The following INPP5E variants were observed in gnomAD, a reference collection of about 807,000 sequenced individuals.
INPP5E encodes the protein phosphatidylinositol polyphosphate 5-phosphatase type IV.
Under a neutral mutation model 50.5 loss-of-function variants are expected in INPP5E, and 34 were observed. The observed-to-expected ratio is 0.67, with a 90% confidence interval of 0.51 to 0.90. The LOEUF is 0.90. Among genes scored for constraint, INPP5E ranks in the 40% least tolerant of loss-of-function variants. The pLI is 0.00. For missense variants in INPP5E, 942 were observed against 905.5 expected (o/e 1.04, Z -0.52); for synonymous variants, 447 against 406.0 (o/e 1.10, Z -1.21).
chr9:136,431,923 C>T lies in INPP5E; in HGVS notation c.1450G>A (p.Gly484Ser). ...AGGGCGTCCACGACTGTGCGCCCGC[C>T]ACTCAGGCGGAAGTTGAAGTCTCCA... is the stretch of plus-strand genomic sequence containing the variant. ...WFGDFNFRLS[G>S]GRTVVDALLC... is the part of the protein sequence containing the mutation. The change falls in exon 7 of 10, where the codon GGC (glycine) becomes AGC (serine). Residue 484 changes from glycine (G) to serine (S), a missense_variant. By Grantham distance (56) the Gly-to-Ser change is moderately conservative. Coordinates refer to ENST00000371712, the MANE Select transcript of INPP5E (RefSeq NM_019892.6). 1.2e-6 allele frequency: 2 copies of T among 1,611,966 alleles called. No homozygotes were observed. Among genetic ancestry groups the T allele is most frequent in the Non-Finnish European group, 1.7e-6 (2 of 1,179,772 alleles).
chr9:136,433,263 G>C lies in INPP5E; in HGVS notation c.1051C>G (p.Arg351Gly). 1.3e-6 allele frequency: 2 copies of C among 1,587,048 alleles called. No homozygotes were observed. Among genetic ancestry groups the C allele is most frequent in the Non-Finnish European group, 1.7e-6 (2 of 1,173,676 alleles). The stretch of plus-strand genomic sequence containing the variant: ...TGCGGGCCCAGCGTCTCCTGCAGAC[G>C]AGTCTCCCACTCCCGCCTGCAGAGG... ...GCSDRREWET[R>G]LQETLGPHYV... The change falls in exon 4 of 10, where the codon CGT becomes GGT. Residue 351 changes from arginine to glycine, a missense_variant. Physicochemically the swap from Arg to Gly is moderately radical, Grantham distance 125. Transcript: ENST00000371712.
chr9:136,431,994 C>T lies in INPP5E; in HGVS notation c.1388-9G>A, dbSNP rs1352284108. 6.2e-7 allele frequency: 1 copy of T among 1,612,652 alleles called. No individual in the cohort carries two copies. Among genetic ancestry groups the T allele is most frequent in the Middle Eastern group, 1.6e-4 (1 of 6,062 alleles). On this transcript the variant is annotated splice_polypyrimidine_tract_variant and intron_variant, in intron 6 of 9. Transcript: ENST00000371712. ...GCGGGTGGTGACGTCCGCTGCGGCA[C>T]AGTGGGCCATGTGTGGGCACAGGCA...
At chr9:136,430,682 G>A (rs919049523) in intron 8 of INPP5E, among the ~76,000 whole-genome samples, 5 of 152,188 alleles carry the variant, frequency 3.3e-5, no homozygotes, top group East Asian at 1.9e-4. Flanking sequence ...TCCAGATATC[G>A]GGACATGCCC....
intron 2 of INPP5E, among the ~76,000 whole-genome samples, 170 bp from the exon 3 acceptor site, chr9:136,434,304 A>C (rs1835781323): frequency 6.6e-6 from 1 of 152,178 alleles, no homozygotes; most frequent in Non-Finnish European, 1.5e-5. Context: ...CTGACACACC[A>C]AACACGCCTC....
rs188488264 is a variant in INPP5E, at chr9:136,434,047, A to G, written c.1024T>C (p.Cys342Arg). ...CTGCAGCCGCCCTACCTGTCAGAAC[A>G]GCCCTCCTGGACCCCGATGACATAC... ...DLYVIGVQEGCSDRREWETRL... is the reference protein window; with the variant it reads ...DLYVIGVQEGRSDRREWETRL... The change falls in exon 3 of 10, where the codon TGT becomes CGT. Residue 342 changes from cysteine (C) to arginine (R), a missense_variant. Cys to Arg is a radical substitution (Grantham distance 180). Coordinates refer to ENST00000371712, the MANE Select transcript of INPP5E (RefSeq NM_019892.6). 1.9e-6 allele frequency: 3 copies of G among 1,608,316 alleles called. No individual in the cohort carries two copies. Among genetic ancestry groups the G allele is most frequent in the Admixed American group, 3.4e-5 (2 of 59,664 alleles).
rs1443611615 is a variant in INPP5E, at chr9:136,439,494, G to A, written c.-75C>T. ...AGGGGTCACGGGTGCCGGGTCCGGG[G>A]TCGCCGGCGCAGCGAGGAGCAGAAA... is the stretch of plus-strand genomic sequence containing the variant. On this transcript the variant is annotated 5_prime_UTR_variant, in exon 1 of 10. Coordinates refer to ENST00000371712, the MANE Select transcript of INPP5E (RefSeq NM_019892.6). The A allele has an allele frequency of 1.0e-5, 12 of 1,157,162 alleles. No individual in the cohort carries two copies. Among genetic ancestry groups the A allele is most frequent in the South Asian group, 2.1e-5 (1 of 46,692 alleles). 71.7% of individuals were successfully genotyped at this position (1,157,162 alleles called of 1,614,324 possible).
rs1395297524 is a variant in INPP5E at position 136,429,417 on chromosome 9, G to A, written c.*258C>T. 1.7e-6 allele frequency: 1 copy of A among 576,274 alleles called. No individual in the cohort carries two copies. Among genetic ancestry groups the A allele is most frequent in the African/African-American group, 1.9e-5 (1 of 53,520 alleles). The allele number at this position is 576,274 out of a possible 1,614,324, so 35.7% of individuals were successfully genotyped here. A position where few individuals can be genotyped will look rare whatever the true frequency, so the allele number is the denominator to read the frequency against. On this transcript the variant is annotated 3_prime_UTR_variant, in exon 10 of 10. Coordinates refer to ENST00000371712, the MANE Select transcript of INPP5E (RefSeq NM_019892.6). ...CTGGGGTCCGTGGTGCTGCTGGGCG[G>A]GTCCAAACCCTGCCACCCATGCTGT...
intron 2 of INPP5E, among the ~76,000 whole-genome samples, chr9:136,434,342 C>T (rs1835782227): frequency 6.6e-6 from 1 of 152,218 alleles, no homozygotes; most frequent in Non-Finnish European, 1.5e-5. Flanking sequence ...GTTTCCCTCT[C>T]CAAGCACGAG....
intron 7 of INPP5E, 90 bp from the exon 8 acceptor site, chr9:136,431,207 G>GCCCCCCCCCCCCCCCCCCC: frequency 7.3e-6 from 5 of 683,492 alleles, no homozygotes; most frequent in Admixed American, 2.4e-5. Context: ...CTCCCACCAC[G>GCCCCCCCCCCCCCCCCCCC]CCCACCCTCC....
At position 136,439,410 on chromosome 9, in the gene INPP5E, T is replaced by G. The variant is rs894617448; in HGVS notation, c.10A>C (p.Lys4Gln). Residue 4 changes from lysine (K) to glutamine (Q), a missense_variant, in exon 1 of 10, where the codon AAG becomes CAG. Transcript: ENST00000371712. ...TCGGAGGGCCGCAGATTCTCCGCCT[T>G]GGACGGCATGGACGGTCTCTCCCGG... MPS[K>Q]AENLRPSEPA... is the part of the protein sequence containing the mutation. 1.4e-5 allele frequency: 21 copies of G among 1,464,654 alleles called. No homozygotes were observed. The highest frequency in any genetic ancestry group is 1.7e-5 in the Non-Finnish European group (19 of 1,114,024). 90.7% of individuals were successfully genotyped at this position (1,464,654 alleles called of 1,614,324 possible). A position where few individuals can be genotyped will look rare whatever the true frequency, so the allele number is the denominator to read the frequency against.
chr9:136,434,124 G>C lies in INPP5E; in HGVS notation c.947C>G (p.Pro316Arg). The C allele has an allele frequency of 6.2e-7, 1 of 1,607,624 alleles. No homozygotes were observed. The highest frequency in any genetic ancestry group is 8.5e-7 in the Non-Finnish European group (1 of 1,178,558). ...WNMQGQKELP[P>R]SLDEFLLPAE... is the part of the protein sequence containing the mutation. Reference sequence around the variant, plus strand: ...TGGGAGCAGGAACTCGTCCAGGCTGGGCGGGAGCTCCTGGAAGGAGGGAGC... The same window carrying C: ...TGGGAGCAGGAACTCGTCCAGGCTGCGCGGGAGCTCCTGGAAGGAGGGAGC... The change falls in exon 3 of 10, where the codon CCC becomes CGC. Residue 316 changes from proline to arginine, a missense_variant. By Grantham distance (103) the Pro-to-Arg change is moderately radical. Transcript: ENST00000371712.
intron 8 of INPP5E, 44 bp from the exon 9 acceptor site, chr9:136,430,457 G>A (rs1588831324): frequency 6.4e-7 from 1 of 1,550,558 alleles, no homozygotes; most frequent in Non-Finnish European, 8.7e-7. Flanking sequence ...TACTTGTGAG[G>A]AGCCGTGGGG....
intron 2 of INPP5E, 66 bp downstream of exon 2, chr9:136,434,674 C>T: frequency 1.3e-6 from 2 of 1,555,142 alleles, no homozygotes; most frequent in South Asian, 2.4e-5. Flanking sequence ...TGCCCCGTCC[C>T]CCTCACCCGC....
At chr9:136,429,997 G>C (rs756651906) in intron 9 of INPP5E, among the ~76,000 whole-genome samples, 190 bp from the exon 10 acceptor site, 1 of 152,222 alleles carries the variant, frequency 6.6e-6, no homozygotes, top group Non-Finnish European at 1.5e-5. Context: ...GGACAGAGCC[G>C]CAGGAAGGAC....
chr9:136,433,307 G>C, intron 3 of INPP5E, 28 bp from the exon 4 acceptor site: 8 of 1,559,752 alleles, frequency 5.1e-6, no homozygotes, highest in Non-Finnish European at 6.9e-6. Flanking sequence ...CGGCCGGCTG[G>C]GGGACATGGC....
chr9:136,439,096 C>A lies in INPP5E; in HGVS notation c.324G>T (p.Gly108=), dbSNP rs764076054. Residue 108 remains glycine (G), a synonymous_variant, in exon 1 of 10, where the codon GGG becomes GGT. Coordinates refer to ENST00000371712, the MANE Select transcript of INPP5E (RefSeq NM_019892.6). ...GSQEDLEARN[G]TSPSRGSVQS... is the part of the protein sequence containing the mutation. ...GCACTGAGCCCCTGGAGGGACTGGT[C>A]CCATTCCGGGCTTCCAGGTCCTCCT... is the stretch of plus-strand genomic sequence containing the variant. 1 of 1,579,264 alleles carries A rather than the reference C, an allele frequency of 6.3e-7. No individual in the cohort carries two copies. The highest frequency in any genetic ancestry group is 8.6e-7 in the Non-Finnish European group (1 of 1,164,186).
intron 3 of INPP5E, 135 bp from the exon 4 acceptor site, chr9:136,433,414 G>T: frequency 7.5e-7 from 1 of 1,325,520 alleles, no homozygotes; most frequent in Non-Finnish European, 1.0e-6. Flanking sequence ...GCGCGGAGAA[G>T]CAATTGCCAG....
At chr9:136,434,897 C>A in intron 1 of INPP5E, 34 bp from the exon 2 acceptor site, 1 of 1,588,942 alleles carries the variant, frequency 6.3e-7, no homozygotes, top group Non-Finnish European at 8.6e-7. Context: ...CAGGGCCAGG[C>A]ACAGGACACA....
rs543195948 is a variant in INPP5E at position 136,438,576 on chromosome 9, C to G, written c.812+32G>C. ...AGCCTGAACACTACAACGAAGGCGG[C>G]GCGGGCGCTGCACCCGCCAGGCCCT... On this transcript the variant is annotated intron_variant, in intron 1 of 9. Transcript: ENST00000371712. 3.4e-6 allele frequency: 5 copies of G among 1,488,386 alleles called. No individual in the cohort carries two copies. The African/African-American group carries it at 6.9e-5, about 20-fold the overall frequency. The allele number at this position is 1,488,386 out of a possible 1,614,324, so 92.2% of individuals were successfully genotyped here. A position where few individuals can be genotyped will look rare whatever the true frequency, so the allele number is the denominator to read the frequency against.
Sources: allele counts gnomAD v4.1 joint callset (sites outside exome capture counted in the v4.1 genomes callset), GRCh38; gene constraint gnomAD v4.1.1; transcripts MANE v1.5; gene names NCBI Gene and HGNC (gene_info 2026-07-23, HGNC 2026-07-21).